The following KHDRBS2 variants were observed in gnomAD, a reference collection of about 807,000 sequenced individuals.
The protein encoded by KHDRBS2 is KH domain-containing, RNA-binding, signal transduction-associated protein 2.
Under a neutral mutation model 44.3 loss-of-function variants are expected in KHDRBS2, and 26 were observed. That is an observed-to-expected ratio of 0.59 (90% confidence interval 0.43 to 0.81). The LOEUF (loss-of-function observed/expected upper bound fraction) is 0.81, where lower values mean the gene tolerates loss of function less well. Ranked by LOEUF, KHDRBS2 falls within the 40% of genes least tolerant of loss-of-function variation. The pLI, the probability that KHDRBS2 is intolerant of heterozygous loss-of-function variation, is 0.00. For missense variants in KHDRBS2, 476 were observed against 433.1 expected (o/e 1.10, Z -0.88); for synonymous variants, 194 against 151.1 (o/e 1.28, Z -2.08).
chr6:61,608,169 A>C, the KHDRBS2 span, among the ~76,000 whole-genome samples: 1 of 152,142 alleles, frequency 6.6e-6, no homozygotes. Flanking sequence ...CAATGAAGAG[A>C]ATACTGAATT....
At chr6:62,228,484 G>A (rs1368792043) in intron 1 of KHDRBS2, among the ~76,000 whole-genome samples, 1 of 152,020 alleles carries the variant, frequency 6.6e-6, no homozygotes, top group Non-Finnish European at 1.5e-5. Flanking sequence ...CCAGCCCCTG[G>A]ATTCATCGAT....
At chr6:61,607,177 G>C in the KHDRBS2 span, among the ~76,000 whole-genome samples, 5 of 151,786 alleles carry the variant, frequency 3.3e-5, no homozygotes, top group Admixed American at 3.3e-4. Context: ...TTAAAAGTTT[G>C]TTGAAATAAA....
intron 2 of KHDRBS2, among the ~76,000 whole-genome samples, chr6:62,053,912 C>T (rs919980151): frequency 2.0e-5 from 3 of 151,830 alleles, no homozygotes; most frequent in Non-Finnish European, 2.9e-5. Flanking sequence ...TGTATGCCAG[C>T]AGCATATAAT....
the KHDRBS2 span, among the ~76,000 whole-genome samples, chr6:61,612,060 A>G: frequency 6.6e-6 from 1 of 152,198 alleles, no homozygotes; most frequent in African/African-American, 2.4e-5. Flanking sequence ...AACATATATA[A>G]CTTCTGTCTT....
intron 2 of KHDRBS2, among the ~76,000 whole-genome samples, chr6:62,057,034 C>T (rs1021593680): frequency 6.6e-6 from 1 of 151,764 alleles, no homozygotes; most frequent in African/African-American, 2.4e-5. Context: ...CACGAAGAGC[C>T]AGTAGAATGA....
intron 6 of KHDRBS2, among the ~76,000 whole-genome samples, chr6:61,774,516 A>T (rs565502207): frequency 6.6e-6 from 1 of 152,144 alleles, no homozygotes; most frequent in African/African-American, 2.4e-5. Flanking sequence ...ACAAACAGAG[A>T]GCCAAATCAG....
chr6:62,240,718 A>ATATATATATATAT (rs1179571656), intron 1 of KHDRBS2, among the ~76,000 whole-genome samples: 8 of 134,276 alleles, frequency 6.0e-5, no homozygotes, highest in Non-Finnish European at 8.0e-5. Flanking sequence ...ATATATATAT[A>ATATATATATATAT]AACATGAGTT....
At chr6:61,870,660 G>A (rs1467500861) in intron 6 of KHDRBS2, among the ~76,000 whole-genome samples, 4 of 152,150 alleles carry the variant, frequency 2.6e-5, no homozygotes, top group Admixed American at 6.5e-5. Flanking sequence ...CCTCTGGGAC[G>A]AAGCTCCCAG....
chr6:62,028,910 T>C (rs1434749621), intron 3 of KHDRBS2, among the ~76,000 whole-genome samples: 1 of 152,084 alleles, frequency 6.6e-6, no homozygotes, highest in Non-Finnish European at 1.5e-5. Flanking sequence ...ATAACTAAAA[T>C]TAAGAAGTGA....
intron 3 of KHDRBS2, among the ~76,000 whole-genome samples, chr6:62,005,614 T>TA (rs1779071398): frequency 6.6e-6 from 1 of 150,618 alleles, no homozygotes. Flanking sequence ...ATAGTAACAC[T>TA]AAAAAAATAA....
At chr6:61,684,304 A>G (rs1188791034) in intron 8 of KHDRBS2, among the ~76,000 whole-genome samples, 1 of 151,872 alleles carries the variant, frequency 6.6e-6, no homozygotes, top group Non-Finnish European at 1.5e-5. Context: ...CACTGCAAGT[A>G]CCACATATAG....
intron 6 of KHDRBS2, among the ~76,000 whole-genome samples, chr6:61,771,887 CT>C (rs1376776400): frequency 6.6e-6 from 1 of 152,110 alleles, no homozygotes; most frequent in African/African-American, 2.4e-5. Context: ...AATATACATT[CT>C]TTTCAGCACC....
intron 2 of KHDRBS2, among the ~76,000 whole-genome samples, chr6:62,168,048 A>G (rs1440026199): frequency 6.6e-6 from 1 of 152,182 alleles, no homozygotes; most frequent in Non-Finnish European, 1.5e-5. Flanking sequence ...CCAAGCACAG[A>G]AGGCTGCCCC....
chr6:61,932,775 A>G (rs953623032), intron 4 of KHDRBS2, among the ~76,000 whole-genome samples: 1 of 152,208 alleles, frequency 6.6e-6, no homozygotes, highest in African/African-American at 2.4e-5. Flanking sequence ...CCTGGGCGAC[A>G]GAGCAAGACT....
intron 6 of KHDRBS2, among the ~76,000 whole-genome samples, chr6:61,828,780 T>C (rs1249632368): frequency 3.9e-5 from 6 of 152,244 alleles, no homozygotes; most frequent in Non-Finnish European, 5.9e-5. Context: ...AGACCTTTGA[T>C]GGCAGATACA....
At chr6:61,915,214 G>T (rs975810402) in intron 4 of KHDRBS2, among the ~76,000 whole-genome samples, 12 of 151,902 alleles carry the variant, frequency 7.9e-5, no homozygotes, top group African/African-American at 2.9e-4. Flanking sequence ...GGGGTTGGAG[G>T]GATGTCAAAC....
chr6:61,657,255 G>T, the KHDRBS2 span, among the ~76,000 whole-genome samples: 4 of 152,016 alleles, frequency 2.6e-5, no homozygotes, highest in South Asian at 2.1e-4. Flanking sequence ...AGATGCCCTC[G>T]ACTTTTACCC....
At chr6:61,793,019 C>T (rs1397335727) in intron 6 of KHDRBS2, among the ~76,000 whole-genome samples, 1 of 151,814 alleles carries the variant, frequency 6.6e-6, no homozygotes, top group African/African-American at 2.4e-5. Flanking sequence ...CAAGATATTA[C>T]AAAGCTTCGA....
At chr6:61,905,468 G>A (rs1583437294) in intron 4 of KHDRBS2, among the ~76,000 whole-genome samples, 1 of 152,102 alleles carries the variant, frequency 6.6e-6, no homozygotes, top group East Asian at 1.9e-4. Context: ...AAAATTGAAG[G>A]TGGAGCATTC....
Sources: gnomAD v4.1 joint callset for allele counts (sites outside exome capture counted in the v4.1 genomes callset) on GRCh38, gnomAD v4.1.1 for gene constraint, MANE v1.5 for transcripts, NCBI Gene and HGNC (gene_info 2026-07-23, HGNC 2026-07-21) for gene names.